The following MTUS2 variants were observed in gnomAD, a reference collection of about 807,000 sequenced individuals.
MTUS2 encodes microtubule-associated tumor suppressor candidate 2.
In MTUS2, 40 loss-of-function variants were observed where a neutral mutation model predicts 114.1. The ratio of observed to expected loss-of-function variants is 0.35; its 90% confidence interval spans 0.27 to 0.46. The LOEUF is 0.46. Ranked by LOEUF, MTUS2 falls within the 20% of genes least tolerant of loss-of-function variation. MTUS2 has a pLI of 1.00. For synonymous variants in MTUS2, 688 were observed against 672.0 expected (o/e 1.02, Z -0.37); for missense variants, 1,679 against 1,705.4 (o/e 0.98, Z 0.27).
At chr13:29,445,576 C>T (rs1398335381) in intron 9 of MTUS2, among the ~76,000 whole-genome samples, 1 of 152,156 alleles carries the variant, frequency 6.6e-6, no homozygotes, top group Non-Finnish European at 1.5e-5. Flanking sequence ...TTGGTATACT[C>T]ACCAACCCTG....
intron 2 of MTUS2, among the ~76,000 whole-genome samples, chr13:28,864,513 A>T (rs1877181211): frequency 6.6e-6 from 1 of 152,218 alleles, no homozygotes; most frequent in Non-Finnish European, 1.5e-5. Context: ...GTCATAATTA[A>T]CAGAAGTTAA....
chr13:29,492,722 T>C lies in MTUS2; in HGVS notation c.3579+3T>C, dbSNP rs746541134. On this transcript the variant is annotated splice_donor_region_variant and intron_variant, in intron 12 of 15. Coordinates refer to ENST00000612955, the MANE Select transcript of MTUS2 (RefSeq NM_001033602.4). Reference sequence around the variant, plus strand: ...AAAAACTGCGGCTGTCATTGCAGGTTAGTATTTCTTTAATTTTCTTACCTG... The same window carrying C: ...AAAAACTGCGGCTGTCATTGCAGGTCAGTATTTCTTTAATTTTCTTACCTG... 1.2e-6 allele frequency: 2 copies of C among 1,609,956 alleles called. No homozygotes were observed. Among genetic ancestry groups the C allele is most frequent in the Non-Finnish European group, 1.7e-6 (2 of 1,176,400 alleles).
At position 29,408,039 on chromosome 13, in the gene MTUS2, T is replaced by G. The variant is rs114776451; in HGVS notation, c.3118-31944T>G. On this transcript the variant is annotated intron_variant, in intron 8 of 15. Transcript: ENST00000612955. Reference sequence around the variant, plus strand: ...TTTTTCTATCGTGTTATATTTAGCTTACCAATTAGAAATAGTTTCTACATA... The same window carrying G: ...TTTTTCTATCGTGTTATATTTAGCTGACCAATTAGAAATAGTTTCTACATA... Among the ~76,000 whole-genome samples, 983 of 152,312 alleles carry G rather than the reference T, an allele frequency of 6.5e-3. 6 individuals are homozygous for G. The highest frequency in any genetic ancestry group is 0.022 in the African/African-American group (913 of 41,594).
At chr13:28,959,185 A>T (rs1051870736) in intron 2 of MTUS2, among the ~76,000 whole-genome samples, 3 of 152,222 alleles carry the variant, frequency 2.0e-5, no homozygotes, top group Non-Finnish European at 4.4e-5. Context: ...GGAAAGGAGC[A>T]GTTCAGTAAG....
At chr13:29,044,771 T>G (rs1374931033) in intron 4 of MTUS2, among the ~76,000 whole-genome samples, 2 of 152,226 alleles carry the variant, frequency 1.3e-5, no homozygotes, top group East Asian at 3.9e-4. Context: ...TAACTTGAAT[T>G]CTCTGCTCAA....
intron 2 of MTUS2, among the ~76,000 whole-genome samples, chr13:28,954,238 T>C (rs545843617): frequency 5.8e-4 from 88 of 152,272 alleles, no homozygotes; most frequent in Non-Finnish European, 1.0e-3. Context: ...TGCTGAAGAA[T>C]TTCTCAGTGG....
intron 4 of MTUS2, among the ~76,000 whole-genome samples, chr13:29,034,784 G>C (rs563462532): frequency 6.6e-6 from 1 of 152,328 alleles, no homozygotes; most frequent in East Asian, 1.9e-4. Context: ...TGTAGGCAGA[G>C]AGATGATATT....
At chr13:29,180,697 T>C (rs1893963117) in intron 5 of MTUS2, among the ~76,000 whole-genome samples, 1 of 152,162 alleles carries the variant, frequency 6.6e-6, no homozygotes, top group African/African-American at 2.4e-5. Context: ...CTGGCTTCAC[T>C]TGAGTCCAGT....
chr13:29,144,857 TA>T (rs1453640410), intron 5 of MTUS2, among the ~76,000 whole-genome samples: 1 of 152,204 alleles, frequency 6.6e-6, no homozygotes, highest in East Asian at 1.9e-4. Flanking sequence ...ACACAGGTCA[TA>T]AACAATAAGA....
chr13:28,960,018 C>T (rs1293573630), intron 2 of MTUS2, among the ~76,000 whole-genome samples: 2 of 152,112 alleles, frequency 1.3e-5, no homozygotes, highest in Non-Finnish European at 2.9e-5. Context: ...AGGAAAATCT[C>T]AAAGCTAATG....
intron 5 of MTUS2, among the ~76,000 whole-genome samples, chr13:29,167,098 G>A (rs1893346376): frequency 6.6e-6 from 1 of 152,146 alleles, no homozygotes; most frequent in African/African-American, 2.4e-5. Flanking sequence ...TTTCTGGCTG[G>A]GCACGGTGGC....
intron 8 of MTUS2, among the ~76,000 whole-genome samples, chr13:29,368,869 T>C (rs1259557903): frequency 1.3e-5 from 2 of 152,140 alleles, no homozygotes; most frequent in African/African-American, 2.4e-5. Context: ...GGAGGGTGTA[T>C]GCAGAGGAGG....
chr13:29,023,174 T>C (rs1333580675), intron 2 of MTUS2, among the ~76,000 whole-genome samples: 6 of 152,064 alleles, frequency 3.9e-5, no homozygotes, highest in African/African-American at 7.2e-5. Flanking sequence ...TGGAAGAGTA[T>C]GCGCAAAGGC....
At chr13:29,477,514 T>C (rs1315582052) in intron 9 of MTUS2, among the ~76,000 whole-genome samples, 1 of 152,128 alleles carries the variant, frequency 6.6e-6, no homozygotes, top group East Asian at 1.9e-4. Context: ...TGCCTATCAG[T>C]CATTGTTCAT....
intron 2 of MTUS2, among the ~76,000 whole-genome samples, chr13:28,995,869 C>G (rs1471256464): frequency 6.6e-6 from 1 of 152,146 alleles, no homozygotes; most frequent in Non-Finnish European, 1.5e-5. Context: ...TCCTCTTTTC[C>G]TAATTGAATA....
At chr13:29,118,078 T>G (rs767831255) in intron 5 of MTUS2, among the ~76,000 whole-genome samples, 2 of 152,066 alleles carry the variant, frequency 1.3e-5, no homozygotes, top group African/African-American at 2.4e-5. Context: ...TTATTACAAT[T>G]AAGGAAAAGA....
Position 29,480,333 on chromosome 13 carries a change from T to G in MTUS2, c.3368T>G (p.Leu1123Arg), listed in dbSNP as rs1483005082. 3.9e-6 allele frequency: 6 copies of G among 1,547,890 alleles called. No individual in the cohort carries two copies. The highest frequency in any genetic ancestry group is 5.2e-6 in the Non-Finnish European group (6 of 1,145,172). ...ARLQEEHGDQLLSIRCQHQEQ... is the reference protein window; with the variant it reads ...ARLQEEHGDQRLSIRCQHQEQ... Reference sequence around the variant, plus strand: ...CTGCAGGAGGAGCACGGTGACCAGCTGCTGAGCATCCGGTGTCAACACCAG... The same window carrying G: ...CTGCAGGAGGAGCACGGTGACCAGCGGCTGAGCATCCGGTGTCAACACCAG... The change falls in exon 10 of 16, where the codon CTG (leucine) becomes CGG (arginine). Residue 1123 changes from leucine (L) to arginine (R), a missense_variant. By Grantham distance (102) the Leu-to-Arg change is moderately radical. Coordinates refer to ENST00000612955, the MANE Select transcript of MTUS2 (RefSeq NM_001033602.4). The surrounding 1 kb of genome is among the most constrained non-coding windows in gnomAD (Gnocchi z 4.4).
intron 4 of MTUS2, among the ~76,000 whole-genome samples, chr13:29,068,784 TAG>T (rs2138676530): frequency 6.6e-6 from 1 of 152,228 alleles, no homozygotes; most frequent in Admixed American, 6.5e-5. Flanking sequence ...AGGTAGATTG[TAG>T]AGTGTCAGGG....
intron 2 of MTUS2, among the ~76,000 whole-genome samples, chr13:28,935,006 GTTTTTTTTTTTTTTTTT>G (rs775863792): frequency 2.4e-5 from 1 of 41,438 alleles, no homozygotes; most frequent in African/African-American, 1.2e-4. Flanking sequence ...TCTCCATAGC[GTTTTTTTTTTTTTTTTT>G]TTTTTTTTTT....
Sources: gnomAD v4.1 joint callset for allele counts (sites outside exome capture counted in the v4.1 genomes callset) on GRCh38, gnomAD v4.1.1 for gene constraint, Gnocchi (gnomAD v3.1) non-coding constraint, MANE v1.5 for transcripts, NCBI Gene and HGNC (gene_info 2026-07-23, HGNC 2026-07-21) for gene names.